Variants in ADAMTS14 observed in about 807,000 individuals in gnomAD.
ADAMTS14 encodes A disintegrin and metalloproteinase with thrombospondin motifs 14.
Under a neutral mutation model 128.6 loss-of-function variants are expected in ADAMTS14, and 100 were observed. The observed-to-expected ratio is 0.78, with a 90% CI of 0.66 to 0.92. The LOEUF is 0.92. Ranked by LOEUF, ADAMTS14 falls within the 40% of genes least tolerant of loss-of-function variation. The pLI is 0.00. For synonymous variants in ADAMTS14, 665 were observed against 653.8 expected (o/e 1.02, Z -0.26); for missense variants, 1,562 against 1,658.6 (o/e 0.94, Z 1.01).
chr10:70,742,782 ATATGCTCTGGAACC>A (rs750593160), intron 12 of ADAMTS14, among the ~76,000 whole-genome samples: 2 of 152,220 alleles, frequency 1.3e-5, no homozygotes, highest in Non-Finnish European at 2.9e-5. Flanking sequence ...AAGTGTTTAT[ATATGCTCTGGAACC>A]TCCTTTTTAG....
chr10:70,702,384 G>A lies in ADAMTS14; in HGVS notation c.595G>A (p.Ala199Thr). Residue 199 changes from alanine (A) to threonine (T), a missense_variant, in exon 3 of 22, where the codon GCC (alanine) becomes ACC (threonine). By Grantham distance (58) the Ala-to-Thr change is moderately conservative (BLOSUM62 0). Coordinates refer to ENST00000373207, the MANE Select transcript of ADAMTS14 (RefSeq NM_080722.4). ...PLERGQQEKE[A>T]SGRTHVVYRR... ...GGAGCGGGGCCAGCAGGAGAAGGAG[G>A]CCAGCGGGAGGACACATGTGGTGTA... 1 of 1,614,168 alleles carries A rather than the reference G, an allele frequency of 6.2e-7. No homozygotes were observed. Among genetic ancestry groups the A allele is most frequent in the Non-Finnish European group, 8.5e-7 (1 of 1,180,022 alleles).
Position 70,733,922 on chromosome 10 carries a change from G to C in ADAMTS14, c.1246G>C (p.Ala416Pro). ...GCATGACGGTCAGGGGAATGGCTGT[G>C]CAGATGAGACCAGCCTGGGCAGCGT... ...MEHDGQGNGC[A>P]DETSLGSVMA... Residue 416 changes from alanine to proline, a missense_variant, in exon 8 of 22, where the codon GCA (alanine) becomes CCA (proline). Ala to Pro is a conservative substitution (Grantham distance 27). Transcript: ENST00000373207. The C allele has an allele frequency of 6.2e-7, 1 of 1,613,926 alleles. No homozygotes were observed. The highest frequency in any genetic ancestry group is 8.5e-7 in the Non-Finnish European group (1 of 1,179,992).
intron 4 of ADAMTS14, among the ~76,000 whole-genome samples, chr10:70,714,138 A>T (rs1434806198): frequency 6.6e-6 from 1 of 152,144 alleles, no homozygotes; most frequent in Non-Finnish European, 1.5e-5. Flanking sequence ...GGCTGCAGTG[A>T]GCTATGATTG....
chr10:70,751,636 C>T lies in ADAMTS14; in HGVS notation c.2586C>T (p.Ala862=). ...ALKSWAPCSK[A]CGGGIQFTKY... ...AGAGCTGGGCCCCCTGCAGCAAGGCCTGTGGAGGAGGTACCGGTTCCCTGA... is the reference window on the plus strand; with the variant it reads ...AGAGCTGGGCCCCCTGCAGCAAGGCTTGTGGAGGAGGTACCGGTTCCCTGA... The change falls in exon 17 of 22, where the codon GCC becomes GCT. Residue 862 remains alanine (A), a synonymous_variant. Coordinates refer to ENST00000373207, the MANE Select transcript of ADAMTS14 (RefSeq NM_080722.4). The T allele has an allele frequency of 1.2e-6, 2 of 1,607,766 alleles. No homozygotes were observed. The highest frequency in any genetic ancestry group is 2.2e-5 in the South Asian group (2 of 90,940).
intron 4 of ADAMTS14, among the ~76,000 whole-genome samples, chr10:70,721,348 G>C (rs1841256734): frequency 6.7e-6 from 1 of 150,250 alleles, no homozygotes; most frequent in African/African-American, 2.5e-5. Context: ...ACCTCAGTTA[G>C]ACTTAGGTCT....
At chr10:70,692,175 A>AG (rs565481562) in intron 2 of ADAMTS14, among the ~76,000 whole-genome samples, 38 of 152,194 alleles carry the variant, frequency 2.5e-4, no homozygotes, top group African/African-American at 8.7e-4. Context: ...ATGACTATCT[A>AG]GGGGTAAGAA....
In ADAMTS14 at chr10:70,672,982, G is replaced by T. The variant is rs927306689; in HGVS notation, c.82+98G>T. 9.0e-6 allele frequency: 12 copies of T among 1,339,258 alleles called. No individual in the cohort carries two copies. The South Asian group carries it at 1.7e-4, about 19-fold the overall frequency. The allele number at this position is 1,339,258 out of a possible 1,614,324, so 83.0% of individuals were successfully genotyped here. ...CCAGCCACCCGGGCAGGGTTCCCGC[G>T]GGTGGGAGGCAGTATGCACACTCTG... On this transcript the variant is annotated intron_variant, in intron 1 of 21. Transcript: ENST00000373207.
intron 2 of ADAMTS14, among the ~76,000 whole-genome samples, chr10:70,684,165 C>T (rs1839891356): frequency 6.6e-6 from 1 of 151,696 alleles, no homozygotes; most frequent in Non-Finnish European, 1.5e-5. Flanking sequence ...GAGGGGGGTG[C>T]TACACACTTT....
At position 70,672,769 on chromosome 10, in the gene ADAMTS14, GGCGCTTGCCCAGCCCGCGTCCCA is replaced by G; in HGVS notation, c.-29_-7del. The G allele has an allele frequency of 6.7e-7, 1 of 1,489,758 alleles. No individual in the cohort carries two copies. Among genetic ancestry groups the G allele is most frequent in the Non-Finnish European group, 8.9e-7 (1 of 1,124,700 alleles). 92.3% of individuals were successfully genotyped at this position (1,489,758 alleles called of 1,614,324 possible). A position where few individuals can be genotyped will look rare whatever the true frequency, so the allele number is the denominator to read the frequency against. On this transcript the variant is annotated 5_prime_UTR_variant, in exon 1 of 22. Transcript: ENST00000373207. ...CCCTCAGCCTGGGACTTGGGGATCG[GGCGCTTGCCCAGCCCGCGTCCCA>G]GCGCGGCCACATGGCTCCACTCCGC... is the stretch of plus-strand genomic sequence containing the variant.
chr10:70,722,122 C>T (rs977978437), intron 4 of ADAMTS14, among the ~76,000 whole-genome samples: 5 of 152,198 alleles, frequency 3.3e-5, no homozygotes, highest in Non-Finnish European at 7.3e-5. Flanking sequence ...GGGCTGCCCC[C>T]TGGCTAACAG....
In ADAMTS14 at chr10:70,749,887, A is replaced by G. The variant is rs758843670; in HGVS notation, c.2329A>G (p.Thr777Ala). Residue 777 changes from threonine (T) to alanine (A), a missense_variant, in exon 16 of 22, where the codon ACC becomes GCC. Thr to Ala is a moderately conservative substitution (Grantham distance 58). Coordinates refer to ENST00000373207, the MANE Select transcript of ADAMTS14 (RefSeq NM_080722.4). ...NPKGKEATSR[T>A]FTAMGLEWED... ...CAAGGGCAAGGAAGCCACAAGCCGG[A>G]CCTTCACCGCCATGGGCCTGGAGTG... 3 of 1,614,080 alleles carry G rather than the reference A, an allele frequency of 1.9e-6. No individual in the cohort carries two copies. Among genetic ancestry groups the G allele is most frequent in the Non-Finnish European group, 2.5e-6 (3 of 1,180,012 alleles).
chr10:70,718,001 T>C (rs1489316219), intron 4 of ADAMTS14, among the ~76,000 whole-genome samples: 1 of 152,212 alleles, frequency 6.6e-6, no homozygotes, highest in Non-Finnish European at 1.5e-5. Context: ...TGGTGCCTGT[T>C]TTAGACCTGG....
chr10:70,707,853 C>T (rs1453711942), intron 3 of ADAMTS14, among the ~76,000 whole-genome samples: 2 of 152,184 alleles, frequency 1.3e-5, no homozygotes, highest in African/African-American at 4.8e-5. Context: ...GATTGGAACA[C>T]AGACACACTC....
rs11819291 is a variant in ADAMTS14 at position 70,684,058 on chromosome 10, T to G, written c.522+9063T>G. ...GTACAGGAAGCATAGCGGCTTCCAC[T>G]ACTGGGGAGGCCTGAGGAAACTTCC... is the stretch of plus-strand genomic sequence containing the variant. On this transcript the variant is annotated intron_variant, in intron 2 of 21. Transcript: ENST00000373207. Among the ~76,000 whole-genome samples, 930 of 152,044 alleles carry G rather than the reference T, an allele frequency of 6.1e-3. 8 individuals are homozygous for G. The highest frequency in any genetic ancestry group is 0.021 in the African/African-American group (879 of 41,464).
intron 15 of ADAMTS14, among the ~76,000 whole-genome samples, chr10:70,749,218 G>A (rs557630846): frequency 4.7e-4 from 71 of 152,302 alleles, no homozygotes; most frequent in African/African-American, 1.7e-3. Context: ...TGCCAAGCTG[G>A]CTATGTTTAT....
At chr10:70,702,228 T>C in intron 2 of ADAMTS14, 84 bp from the exon 3 acceptor site, 1 of 1,581,894 alleles carries the variant, frequency 6.3e-7, no homozygotes, top group Non-Finnish European at 8.6e-7. Flanking sequence ...CATATGTGCA[T>C]TCACAGATGC....
rs1307130987 is a variant in ADAMTS14 at position 70,730,105 on chromosome 10, C to T, written c.958C>T (p.Leu320=). ...GGTGCTCTCCCGGCCCCTGCAGTCCCTGAGCCTGATCGAGCGCGGGAACCC... is the reference window on the plus strand; with the variant it reads ...GGTGCTCTCCCGGCCCCTGCAGTCCTTGAGCCTGATCGAGCGCGGGAACCC... The part of the protein sequence containing the change: ...RLIMVGYRQS[L]SLIERGNPSR... Residue 320 remains leucine (L), a synonymous_variant, in exon 6 of 22, where the codon CTG becomes TTG. Transcript: ENST00000373207. 6.2e-7 allele frequency: 1 copy of T among 1,602,402 alleles called. No homozygotes were observed. The highest frequency in any genetic ancestry group is 1.3e-5 in the African/African-American group (1 of 74,844).
chr10:70,706,492 C>A (rs916995156), intron 3 of ADAMTS14, among the ~76,000 whole-genome samples: 6 of 152,224 alleles, frequency 3.9e-5, no homozygotes, highest in African/African-American at 1.4e-4. Context: ...CTTCCCCTCC[C>A]CTGCTGGGGG....
chr10:70,718,219 C>T (rs1841116933), intron 4 of ADAMTS14, among the ~76,000 whole-genome samples: 1 of 152,182 alleles, frequency 6.6e-6, no homozygotes, highest in African/African-American at 2.4e-5. Flanking sequence ...AGGAGCTCAT[C>T]CTCCTTGACA....
Sources: gnomAD v4.1 joint callset for allele counts (sites outside exome capture counted in the v4.1 genomes callset) on GRCh38, gnomAD v4.1.1 for gene constraint, MANE v1.5 for transcripts, NCBI Gene and HGNC (gene_info 2026-07-23, HGNC 2026-07-21) for gene names.